The following SYCP1 variants were observed in gnomAD, a reference collection of about 807,000 sequenced individuals.
The protein encoded by SYCP1 is cancer/testis antigen 8.
A neutral mutation model predicts 153.1 loss-of-function variants in SYCP1; 64 were observed. The ratio of observed to expected loss-of-function variants is 0.42; its 90% CI spans 0.34 to 0.51. The LOEUF (loss-of-function observed/expected upper bound fraction) is 0.51. SYCP1 is among the 20% of genes least tolerant of loss of function. SYCP1 has a pLI of 0.06. For synonymous variants in SYCP1, 384 were observed against 341.8 expected (o/e 1.12, Z -1.36); for missense variants, 997 against 1,049.0 (o/e 0.95, Z 0.68).
intron 15 of SYCP1, among the ~76,000 whole-genome samples, chr1:114,890,766 T>C (rs1021263302): frequency 1.3e-5 from 2 of 152,218 alleles, no homozygotes; most frequent in South Asian, 2.1e-4. Context: ...CCTTATGCTT[T>C]ACTGCTAATT....
At chr1:114,926,847 A>G (rs1218253730) in intron 23 of SYCP1, among the ~76,000 whole-genome samples, 1 of 152,066 alleles carries the variant, frequency 6.6e-6, no homozygotes, top group Non-Finnish European at 1.5e-5. Context: ...CATATTCCCT[A>G]CTTCCATATT....
chr1:114,977,313 G>C (rs557704527), intron 27 of SYCP1, among the ~76,000 whole-genome samples: 2 of 151,798 alleles, frequency 1.3e-5, no homozygotes, highest in African/African-American at 4.8e-5. Context: ...AGTTTTAAGA[G>C]ACTTATTCAA....
chr1:114,855,617 G>T, intron 2 of SYCP1, 45 bp downstream of exon 2: 2 of 1,428,396 alleles, frequency 1.4e-6, no homozygotes, highest in South Asian at 1.2e-5. Context: ...TTAACTTTAG[G>T]GAAATGAAGA....
intron 30 of SYCP1, among the ~76,000 whole-genome samples, chr1:114,987,881 A>T (rs537442332): frequency 3.3e-4 from 50 of 151,926 alleles, no homozygotes; most frequent in Middle Eastern, 3.4e-3. Context: ...AAAAAACCCT[A>T]ATTTTGTGTG....
At chr1:114,927,638 A>G (rs1357125155) in intron 23 of SYCP1, among the ~76,000 whole-genome samples, 2 of 152,236 alleles carry the variant, frequency 1.3e-5, no homozygotes, top group Non-Finnish European at 2.9e-5. Flanking sequence ...TAGATTGAAT[A>G]CAAATGAATC....
intron 23 of SYCP1, among the ~76,000 whole-genome samples, chr1:114,932,903 C>T (rs977162526): frequency 8.5e-5 from 13 of 152,206 alleles, no homozygotes; most frequent in African/African-American, 2.6e-4. Flanking sequence ...AAGAAAAGCT[C>T]GAACTGGGTG....
rs1360428244 is a variant in SYCP1 at position 114,946,367 on chromosome 1, C to T, written c.2233C>T (p.Leu745=). The T allele has an allele frequency of 1.9e-6, 3 of 1,584,264 alleles. No homozygotes were observed. Among genetic ancestry groups the T allele is most frequent in the Non-Finnish European group, 2.6e-6 (3 of 1,168,278 alleles). Residue 745 remains leucine, a synonymous_variant, in exon 26 of 32, where the codon CTG becomes TTG. Transcript: ENST00000369522. ...YKSKEQEQSS[L]RASLEIELSN... is the part of the protein sequence containing the mutation. The stretch of plus-strand genomic sequence containing the variant: ...GAGCAAAGAACAAGAACAGTCATCA[C>T]TGAGAGCATCTTTGGTGAGATACAG...
chr1:114,975,149 CT>C (rs1416401584), intron 27 of SYCP1, among the ~76,000 whole-genome samples: 1 of 151,682 alleles, frequency 6.6e-6, no homozygotes, highest in African/African-American at 2.4e-5. Flanking sequence ...TTATTCAAGT[CT>C]TTTGCCCATT....
intron 20 of SYCP1, 125 bp from the exon 21 acceptor site, chr1:114,923,324 C>T: frequency 1.0e-6 from 1 of 980,422 alleles, no homozygotes; most frequent in Non-Finnish European, 1.4e-6. Context: ...ATGAAGTATT[C>T]AGTTTTGGTT....
At chr1:114,949,354 G>T (rs1278572031) in intron 27 of SYCP1, among the ~76,000 whole-genome samples, 1 of 152,298 alleles carries the variant, frequency 6.6e-6, no homozygotes, top group South Asian at 2.1e-4. Flanking sequence ...TTCTTATCGG[G>T]AATGCCAGAG....
rs1674186789 is a variant in SYCP1 at position 114,994,992 on chromosome 1, AAAAG to A, written c.2907_2910del (p.Glu970LeufsTer13). The A allele has an allele frequency of 1.2e-6, 2 of 1,600,916 alleles. No individual in the cohort carries two copies. The highest frequency in any genetic ancestry group is 1.7e-6 in the Non-Finnish European group (2 of 1,174,594). ...CTAAAATGGATAGAAAAAAAAAACTAAAAGAAGCTGAAAAGTTATTTGTTTAATT... is the reference window on the plus strand; with the variant it reads ...CTAAAATGGATAGAAAAAAAAAACTAAAGCTGAAAAGTTATTTGTTTAATT... On this transcript the variant is annotated frameshift_variant, in exon 32 of 32. Coordinates refer to ENST00000369522, the MANE Select transcript of SYCP1 (RefSeq NM_003176.4). LOFTEE classifies it high-confidence loss of function.
At chr1:114,856,034 T>G (rs1663914386) in intron 2 of SYCP1, among the ~76,000 whole-genome samples, 1 of 152,188 alleles carries the variant, frequency 6.6e-6, no homozygotes, top group East Asian at 1.9e-4. Flanking sequence ...TATGTAATGG[T>G]GTTATCATTG....
At chr1:114,953,730 T>C (rs1432535504) in intron 27 of SYCP1, among the ~76,000 whole-genome samples, 1 of 152,218 alleles carries the variant, frequency 6.6e-6, no homozygotes, top group Non-Finnish European at 1.5e-5. Context: ...AAAATGATTC[T>C]CCTACTTTAT....
At chr1:114,966,964 C>T (rs904739671) in intron 27 of SYCP1, among the ~76,000 whole-genome samples, 3 of 152,096 alleles carry the variant, frequency 2.0e-5, no homozygotes, top group Non-Finnish European at 4.4e-5. Context: ...GGATTACAGG[C>T]GTGAGCCACT....
intron 23 of SYCP1, among the ~76,000 whole-genome samples, chr1:114,940,207 C>T (rs1670297556): frequency 6.6e-6 from 1 of 152,148 alleles, no homozygotes; most frequent in African/African-American, 2.4e-5. Context: ...AAGCAACTCT[C>T]ATGCCTCAGC....
intron 20 of SYCP1, among the ~76,000 whole-genome samples, chr1:114,916,354 A>C (rs1668504922): frequency 6.6e-6 from 1 of 151,968 alleles, no homozygotes; most frequent in South Asian, 2.1e-4. Context: ...CCTTATTTTG[A>C]ATTGGATCAT....
At chr1:114,878,314 C>T in intron 12 of SYCP1, 112 bp downstream of exon 12, 1 of 720,506 alleles carries the variant, frequency 1.4e-6, no homozygotes, top group South Asian at 1.8e-5. Context: ...CTGTACTTCT[C>T]AATCTGAGTT....
intron 2 of SYCP1, 47 bp from the exon 3 acceptor site, chr1:114,856,526 C>A: frequency 7.5e-7 from 1 of 1,333,820 alleles, no homozygotes; most frequent in Non-Finnish European, 1.1e-6. Flanking sequence ...ATTAGTATAT[C>A]AGAGTGGTAT....
chr1:114,959,878 A>G (rs574612238), intron 27 of SYCP1, among the ~76,000 whole-genome samples: 2 of 152,266 alleles, frequency 1.3e-5, no homozygotes, highest in East Asian at 1.9e-4. Context: ...ACTTAACATA[A>G]TGACCTCCAG....
Sources: allele counts gnomAD v4.1 joint callset (sites outside exome capture counted in the v4.1 genomes callset), GRCh38; gene constraint gnomAD v4.1.1; transcripts MANE v1.5; gene names NCBI Gene and HGNC (gene_info 2026-07-23, HGNC 2026-07-21).